The following ZNF439 variants were observed in gnomAD, a reference collection of about 807,000 sequenced individuals.
ZNF439 encodes zinc finger protein 439.
ZNF439 carries 40 observed loss-of-function variants against 47.3 expected under a neutral mutation model. That is an observed-to-expected ratio of 0.85 (90% CI 0.66 to 1.10). The LOEUF (loss-of-function observed/expected upper bound fraction) is 1.10. Ranked by LOEUF, ZNF439 falls within the 50% of genes least tolerant of loss-of-function variation. The pLI is 0.00. For synonymous variants in ZNF439, 171 were observed against 198.8 expected, an observed-to-expected ratio of 0.86 and a Z score of 1.18; for missense variants, 556 against 601.1, an observed-to-expected ratio of 0.93 and a Z score of 0.78.
chr19:11,856,562 G>T (rs1273064901), intron 1 of ZNF439: 1 of 152,236 alleles, frequency 6.6e-6, no homozygotes, highest in African/African-American at 2.4e-5. Flanking sequence ...CTTGCCAAAG[G>T]CTGCTATATG....
At chr19:11,855,650 A>C (rs1364185881) in intron 1 of ZNF439, among the ~76,000 whole-genome samples, 1 of 152,174 alleles carries the variant, frequency 6.6e-6, no homozygotes, top group Admixed American at 6.5e-5. Context: ...GCGTCACTCC[A>C]AAGTATAGGC....
intron 1 of ZNF439, among the ~76,000 whole-genome samples, chr19:11,860,570 A>G (rs553927499): frequency 3.3e-5 from 5 of 152,016 alleles, no homozygotes; most frequent in Admixed American, 3.3e-4. Context: ...TTTGCCATGA[A>G]CCCTACTATA....
rs771020560 is a variant in ZNF439 at position 11,866,128 on chromosome 19, A to G, written c.64-77A>G. Reference sequence around the variant, plus strand: ...GTTTGGAGTCCACGGCATCCTGAGAACTTCTTGGGAATAGAGTCTAGGCCC... The same window carrying G: ...GTTTGGAGTCCACGGCATCCTGAGAGCTTCTTGGGAATAGAGTCTAGGCCC... On this transcript the variant is annotated intron_variant, in intron 1 of 3. Coordinates refer to ENST00000682736, the MANE Select transcript of ZNF439 (RefSeq NM_001348719.2). 4 of 1,593,512 alleles carry G rather than the reference A, an allele frequency of 2.5e-6. No homozygotes were observed. In the South Asian group the frequency reaches 4.5e-5, roughly 18 times the overall value.
In ZNF439 at chr19:11,868,824, A is replaced by C. The variant is rs1255973345; in HGVS notation, c.*255A>C. On this transcript the variant is annotated 3_prime_UTR_variant, in exon 4 of 4. Transcript: ENST00000682736. ...CACTGGAGAGAAACCCTATGAATGTAAGAAATGTGGAAAAGCGTTCCATAA... is the reference window on the plus strand; with the variant it reads ...CACTGGAGAGAAACCCTATGAATGTCAGAAATGTGGAAAAGCGTTCCATAA... 1 of 550,714 alleles carries C rather than the reference A, an allele frequency of 1.8e-6. No individual in the cohort carries two copies. The highest frequency in any genetic ancestry group is 3.3e-6 in the Non-Finnish European group (1 of 298,958). The allele number at this position is 550,714 out of a possible 1,614,324, so 34.1% of individuals were successfully genotyped here.
chr19:11,854,753 T>G (rs1157571780), intron 1 of ZNF439, among the ~76,000 whole-genome samples: 1 of 150,554 alleles, frequency 6.6e-6, no homozygotes, highest in African/African-American at 2.4e-5. Flanking sequence ...CAAGGCTCTG[T>G]CTCAAAAAAA....
At chr19:11,865,712 C>CAACAAAA (rs1555694855) in intron 1 of ZNF439, among the ~76,000 whole-genome samples, 1 of 82,028 alleles carries the variant, frequency 1.2e-5, no homozygotes, top group African/African-American at 6.8e-5. Context: ...TACACTATCA[C>CAACAAAA]AAAAAAAAAA....
intron 1 of ZNF439, among the ~76,000 whole-genome samples, chr19:11,859,620 AG>A (rs1402316198): frequency 6.6e-6 from 1 of 152,130 alleles, no homozygotes. Flanking sequence ...CTTAAACTCT[AG>A]TGGGGGTGTG....
intron 1 of ZNF439, among the ~76,000 whole-genome samples, chr19:11,858,453 G>C (rs543964648): frequency 1.4e-5 from 2 of 144,646 alleles, no homozygotes; most frequent in Non-Finnish European, 1.5e-5. Context: ...GCGACAGAGC[G>C]AGACTCCATC....
intron 3 of ZNF439, 58 bp downstream of exon 3, chr19:11,866,655 C>A: frequency 6.5e-7 from 1 of 1,527,748 alleles, no homozygotes; most frequent in Non-Finnish European, 8.9e-7. Context: ...GAATATGAGA[C>A]TATGTTAAAA....
chr19:11,853,361 AG>A (rs1349221939), intron 1 of ZNF439, among the ~76,000 whole-genome samples: 1 of 152,222 alleles, frequency 6.6e-6, no homozygotes, highest in Non-Finnish European at 1.5e-5. Context: ...GTTTGGAACA[AG>A]GGGTCAGGGG....
At chr19:11,850,501 C>CG (rs1184038338) in intron 1 of ZNF439, 2 of 151,988 alleles carry the variant, frequency 1.3e-5, no homozygotes, top group African/African-American at 4.8e-5. Flanking sequence ...ACTTGTCAAC[C>CG]GGAAATAATC....
chr19:11,859,590 G>A (rs1976485582), intron 1 of ZNF439, among the ~76,000 whole-genome samples: 1 of 152,136 alleles, frequency 6.6e-6, no homozygotes, highest in African/African-American at 2.4e-5. Flanking sequence ...AACTACACTA[G>A]CTTTTAATTC....
chr19:11,868,445 T>A lies in ZNF439; in HGVS notation c.1391T>A (p.Ile464Asn). ...SASQLRIHRR[I>N]HTGEKPYECK... ...TCACAACTTCGAATCCATCGTAGGA[T>A]TCACACTGGAGAGAAACCCTATGAA... The change falls in exon 4 of 4, where the codon ATT (isoleucine) becomes AAT (asparagine). Residue 464 changes from isoleucine to asparagine, a missense_variant. By Grantham distance (149) the Ile-to-Asn change is moderately radical. Coordinates refer to ENST00000682736, the MANE Select transcript of ZNF439 (RefSeq NM_001348719.2). 1 of 1,611,536 alleles carries A rather than the reference T, an allele frequency of 6.2e-7. No homozygotes were observed. The highest frequency in any genetic ancestry group is 8.5e-7 in the Non-Finnish European group (1 of 1,179,212).
In ZNF439 at chr19:11,867,388, C is replaced by T; in HGVS notation, c.334C>T (p.Leu112=). 1 of 1,613,922 alleles carries T rather than the reference C, an allele frequency of 6.2e-7. No individual in the cohort carries two copies. Among genetic ancestry groups the T allele is most frequent in the Non-Finnish European group, 8.5e-7 (1 of 1,179,852 alleles). ...TTTTACCCCAGTTCCAGATGACAGG[C>T]TGAACTTCCAGAAGAAGAAAGCTTC... ...ETFTPVPDDR[L]NFQKKKASPE... is the part of the protein sequence containing the mutation. The change falls in exon 4 of 4, where the codon CTG becomes TTG. Residue 112 remains leucine, a synonymous_variant. Coordinates refer to ENST00000682736, the MANE Select transcript of ZNF439 (RefSeq NM_001348719.2).
rs1257227703 is a variant in ZNF439 at position 11,868,240 on chromosome 19, T to A, written c.1186T>A (p.Phe396Ile). 6.2e-7 allele frequency: 1 copy of A among 1,614,108 alleles called. No homozygotes were observed. The highest frequency in any genetic ancestry group is 8.5e-7 in the Non-Finnish European group (1 of 1,180,018). The change falls in exon 4 of 4, where the codon TTC becomes ATC. Residue 396 changes from phenylalanine to isoleucine, a missense_variant. Transcript: ENST00000682736. ...PYKCKQCGKA[F>I]TRSGSFRYHE... is the part of the protein sequence containing the mutation. ...TAAATGCAAGCAATGTGGTAAAGCC[T>A]TCACTCGTTCCGGTTCCTTTCGATA...
At chr19:11,866,041 T>C (rs1412798387) in intron 1 of ZNF439, 164 bp from the exon 2 acceptor site, 1 of 1,471,190 alleles carries the variant, frequency 6.8e-7, no homozygotes, top group African/African-American at 1.4e-5. Context: ...AAAATTGCTT[T>C]ATGGAAGAAA....
At chr19:11,866,378 T>C in intron 2 of ZNF439, 47 bp downstream of exon 2, 2 of 1,612,238 alleles carry the variant, frequency 1.2e-6, no homozygotes, top group Non-Finnish European at 1.7e-6. Context: ...TTTACCAATG[T>C]TTCTAGCTCA....
intron 1 of ZNF439, among the ~76,000 whole-genome samples, chr19:11,852,028 C>G (rs933815319): frequency 2.2e-4 from 33 of 152,114 alleles, no homozygotes; most frequent in African/African-American, 6.8e-4. Flanking sequence ...ATTTCCTTTT[C>G]AATTTAAAAG....
intron 3 of ZNF439, 61 bp from the exon 4 acceptor site, chr19:11,867,245 C>CATT (rs1209234119): frequency 6.4e-7 from 1 of 1,551,548 alleles, no homozygotes; most frequent in African/African-American, 1.4e-5. Context: ...ACAATACTTG[C>CATT]TGATTAATAT....
Sources: allele counts gnomAD v4.1 joint callset (sites outside exome capture counted in the v4.1 genomes callset), GRCh38; gene constraint gnomAD v4.1.1; transcripts MANE v1.5; gene names NCBI Gene and HGNC (gene_info 2026-07-23, HGNC 2026-07-21).